The following CRTC3 variants were observed in gnomAD, a reference collection of about 807,000 sequenced individuals.
CRTC3 encodes the protein CREB-regulated transcription coactivator 3.
CRTC3 carries 26 observed loss-of-function variants against 74.5 expected under a neutral mutation model. The ratio of observed to expected loss-of-function variants is 0.35; its 90% CI spans 0.26 to 0.48. The LOEUF is 0.48. CRTC3 is among the 20% of genes least tolerant of loss of function. The probability of loss-of-function intolerance (pLI) is 0.99; values close to 1 mark genes in which losing one functional copy is unlikely to be tolerated. For synonymous variants in CRTC3, 377 were observed against 325.8 expected, an observed-to-expected ratio of 1.16 and a Z score of -1.69; for missense variants, 760 against 787.3, an observed-to-expected ratio of 0.97 and a Z score of 0.41.
chr15:90,554,171 G>C (rs1178719295), intron 2 of CRTC3, among the ~76,000 whole-genome samples: 2 of 151,578 alleles, frequency 1.3e-5, no homozygotes, highest in African/African-American at 4.8e-5. Flanking sequence ...TAGAACAGTG[G>C]TTGGCACAAG....
chr15:90,553,432 C>T lies in CRTC3; in HGVS notation c.231+13295C>T, dbSNP rs959545217. Among the ~76,000 whole-genome samples the T allele has an allele frequency of 2.6e-5, 4 of 152,272 alleles. No individual in the cohort carries two copies. The South Asian group carries it at 6.2e-4, about 24-fold the overall frequency. On this transcript the variant is annotated intron_variant, in intron 2 of 14. Coordinates refer to ENST00000268184, the MANE Select transcript of CRTC3 (RefSeq NM_022769.5). ...GAGCTGTGACCAAGAATATGGTTGTCGTATTTTTAATCCATATTCGAATCA... is the reference window on the plus strand; with the variant it reads ...GAGCTGTGACCAAGAATATGGTTGTTGTATTTTTAATCCATATTCGAATCA...
At chr15:90,624,281 C>A (rs2151090320) in intron 9 of CRTC3, among the ~76,000 whole-genome samples, 1 of 152,216 alleles carries the variant, frequency 6.6e-6, no homozygotes, top group South Asian at 2.1e-4. Context: ...TGGACCACTG[C>A]AGGTGGTCCT....
intron 2 of CRTC3, among the ~76,000 whole-genome samples, chr15:90,544,939 C>A: frequency 6.6e-6 from 1 of 152,146 alleles, no homozygotes; most frequent in Non-Finnish European, 1.5e-5. Flanking sequence ...TATTGTGCAA[C>A]CAATCTCCAG....
chr15:90,557,244 A>G (rs1392600737), intron 2 of CRTC3, among the ~76,000 whole-genome samples: 1 of 152,044 alleles, frequency 6.6e-6, no homozygotes, highest in African/African-American at 2.4e-5. Context: ...TTAACCTTGT[A>G]CTTCTAGGTA....
At chr15:90,532,868 C>T (rs534379523) in intron 1 of CRTC3, among the ~76,000 whole-genome samples, 5 of 151,450 alleles carry the variant, frequency 3.3e-5, no homozygotes, top group Non-Finnish European at 7.4e-5. Flanking sequence ...GGGCAGATCA[C>T]GAGGTCAAGA....
intron 2 of CRTC3, among the ~76,000 whole-genome samples, chr15:90,588,726 G>A (rs1269055976): frequency 6.6e-6 from 1 of 152,072 alleles, no homozygotes; most frequent in Non-Finnish European, 1.5e-5. Context: ...TCAGAATGCT[G>A]GGGCAGTCCC....
intron 2 of CRTC3, among the ~76,000 whole-genome samples, chr15:90,588,622 A>G (rs1967723746): frequency 6.6e-6 from 1 of 152,090 alleles, no homozygotes; most frequent in Non-Finnish European, 1.5e-5. Flanking sequence ...TTAGCCATTC[A>G]TCCCAGGCTG....
At chr15:90,554,638 C>G (rs1966874187) in intron 2 of CRTC3, among the ~76,000 whole-genome samples, 1 of 152,238 alleles carries the variant, frequency 6.6e-6, no homozygotes, top group South Asian at 2.1e-4. Flanking sequence ...TCTAGCACTG[C>G]TGCTTACCTA....
chr15:90,534,577 G>T (rs28674812), intron 1 of CRTC3, among the ~76,000 whole-genome samples: 37,480 of 152,076 alleles, frequency 0.25, 5,005 homozygotes, highest in East Asian at 0.54. Flanking sequence ...TTGGTTGGTT[G>T]GTTTTAATTA....
At chr15:90,634,349 G>C (rs1969156554) in intron 11 of CRTC3, among the ~76,000 whole-genome samples, 3 of 152,074 alleles carry the variant, frequency 2.0e-5, no homozygotes, top group Non-Finnish European at 4.4e-5. Context: ...CCTGACCTCA[G>C]GTGATCCACC....
intron 2 of CRTC3, among the ~76,000 whole-genome samples, chr15:90,585,365 G>A (rs1200431070): frequency 1.3e-5 from 2 of 152,090 alleles, no homozygotes; most frequent in African/African-American, 4.8e-5. Context: ...GGCTGGTCTC[G>A]AACTCCTGGG....
chr15:90,582,242 C>A (rs772007224), intron 2 of CRTC3, among the ~76,000 whole-genome samples: 1 of 152,224 alleles, frequency 6.6e-6, no homozygotes, highest in African/African-American at 2.4e-5. Flanking sequence ...CGGAAGGCCT[C>A]CCTCACCACC....
intron 2 of CRTC3, among the ~76,000 whole-genome samples, chr15:90,551,583 A>C (rs1567162949): frequency 1.3e-5 from 2 of 152,142 alleles, no homozygotes; most frequent in Non-Finnish European, 2.9e-5. Flanking sequence ...TAGGCATTCT[A>C]ATGCTGCGTT....
At chr15:90,541,999 G>C (rs960451997) in intron 2 of CRTC3, among the ~76,000 whole-genome samples, 1 of 151,690 alleles carries the variant, frequency 6.6e-6, no homozygotes, top group African/African-American at 2.4e-5. Context: ...TGGTCAATTG[G>C]TCTTGAACTC....
Position 90,641,152 on chromosome 15 carries a change from C to A in CRTC3, c.1604C>A (p.Pro535Gln). Residue 535 changes from proline (P) to glutamine (Q), a missense_variant, in exon 14 of 15, where the codon CCA (proline) becomes CAA (glutamine). By Grantham distance (76) the Pro-to-Gln change is moderately conservative. This residue lies in a region of CRTC3 where 652 missense variants were observed against 635.2 expected (regional missense o/e 1.03). Coordinates refer to ENST00000268184, the MANE Select transcript of CRTC3 (RefSeq NM_022769.5). The part of the protein sequence containing the change: ...RELQDSFHLR[P>Q]SPYSNCGSLP... ...CTGCAGGACTCTTTTCATTTGAGAC[C>A]AAGCCCGTATTCCAACTGCGGGAGT... is the stretch of plus-strand genomic sequence containing the variant. 1 of 1,614,030 alleles carries A rather than the reference C, an allele frequency of 6.2e-7. No individual in the cohort carries two copies. Among genetic ancestry groups the A allele is most frequent in the Non-Finnish European group, 8.5e-7 (1 of 1,179,968 alleles).
At chr15:90,557,038 A>G (rs1421834017) in intron 2 of CRTC3, among the ~76,000 whole-genome samples, 1 of 150,342 alleles carries the variant, frequency 6.7e-6, no homozygotes, top group Non-Finnish European at 1.5e-5. Flanking sequence ...CATTAATCAA[A>G]TTATCAGACC....
intron 2 of CRTC3, among the ~76,000 whole-genome samples, chr15:90,584,906 A>G (rs947853508): frequency 3.3e-5 from 5 of 152,174 alleles, no homozygotes; most frequent in Admixed American, 1.3e-4. Context: ...TTTTAATTCT[A>G]TCAGAGGAAG....
chr15:90,554,028 A>G (rs746730537), intron 2 of CRTC3, among the ~76,000 whole-genome samples: 41 of 152,220 alleles, frequency 2.7e-4, no homozygotes, highest in African/African-American at 9.6e-4. Context: ...GCCACTTTCT[A>G]GCTGTGTGAC....
In CRTC3 at chr15:90,626,541, C is replaced by T. The variant is rs1968839846; in HGVS notation, c.967+548C>T. On this transcript the variant is annotated intron_variant, in intron 10 of 14. Coordinates refer to ENST00000268184, the MANE Select transcript of CRTC3 (RefSeq NM_022769.5). ...CCCATAATGGGACTTGGGTGTTACT[C>T]TCTGGGTTTGATTGTCCACAGCTCA... Among the ~76,000 whole-genome samples, 3 of 151,902 alleles carry T rather than the reference C, an allele frequency of 2.0e-5. No individual in the cohort carries two copies. The South Asian group carries it at 6.2e-4, about 32-fold the overall frequency.
Sources: allele counts gnomAD v4.1 joint callset (sites outside exome capture counted in the v4.1 genomes callset), GRCh38; gene constraint gnomAD v4.1.1; regional missense constraint gnomAD v4.1.1; transcripts MANE v1.5; gene names NCBI Gene and HGNC (gene_info 2026-07-23, HGNC 2026-07-21).